MYRIP: variants seen among roughly 807,000 people sequenced by gnomAD.
MYRIP encodes rab effector MyRIP.
In MYRIP, 49 loss-of-function variants were observed where a neutral mutation model predicts 98.0. The ratio of observed to expected loss-of-function variants is 0.50; its 90% CI spans 0.40 to 0.63. The LOEUF is 0.63. Among genes scored for constraint, MYRIP ranks in the 30% least tolerant of loss-of-function variants. The pLI is 0.00. For synonymous variants in MYRIP, 404 were observed against 409.5 expected (o/e 0.99, Z 0.16); for missense variants, 1,004 against 1,058.2 (o/e 0.95, Z 0.71).
intron 2 of MYRIP, among the ~76,000 whole-genome samples, chr3:39,961,355 A>G (rs913852127): frequency 6.6e-6 from 1 of 152,110 alleles, no homozygotes; most frequent in Admixed American, 6.6e-5. Flanking sequence ...CTTACTTCAG[A>G]AAGGATTTGA....
At chr3:39,810,983 TACTC>T (rs1449405327) in intron 1 of MYRIP, among the ~76,000 whole-genome samples, 2 of 152,272 alleles carry the variant, frequency 1.3e-5, no homozygotes, top group African/African-American at 4.8e-5. Flanking sequence ...TCTTGACACT[TACTC>T]AGGGGAGGAA....
At chr3:40,055,917 C>T (rs9832553) in intron 3 of MYRIP, among the ~76,000 whole-genome samples, 44,326 of 151,830 alleles carry the variant, frequency 0.29, 6,513 homozygotes, top group South Asian at 0.36. Flanking sequence ...GAGAATTAAT[C>T]GAAAATGACT....
At chr3:40,252,055 C>A in intron 16 of MYRIP, 56 bp downstream of exon 16, 2 of 1,309,758 alleles carry the variant, frequency 1.5e-6, no homozygotes, top group Non-Finnish European at 2.2e-6. Flanking sequence ...GGTACCTCCA[C>A]TCTGCAGCCT....
chr3:39,902,575 T>C (rs1483644625), intron 2 of MYRIP, among the ~76,000 whole-genome samples: 2 of 152,224 alleles, frequency 1.3e-5, no homozygotes, highest in Non-Finnish European at 2.9e-5. Flanking sequence ...GATGGATACA[T>C]GTAGATTGAT....
intron 3 of MYRIP, among the ~76,000 whole-genome samples, chr3:40,138,451 G>C (rs971584672): frequency 6.6e-6 from 1 of 152,168 alleles, no homozygotes; most frequent in Non-Finnish European, 1.5e-5. Context: ...AAGGTTTGCT[G>C]TTATTTCCAA....
intron 1 of MYRIP, among the ~76,000 whole-genome samples, chr3:39,828,634 A>G (rs889793993): frequency 6.6e-6 from 1 of 152,268 alleles, no homozygotes; most frequent in African/African-American, 2.4e-5. Flanking sequence ...GCTCCCCTCC[A>G]ACTCTTCCTC....
intron 2 of MYRIP, among the ~76,000 whole-genome samples, chr3:39,924,360 G>C (rs1313163299): frequency 2.0e-5 from 3 of 152,066 alleles, no homozygotes; most frequent in Non-Finnish European, 2.9e-5. Flanking sequence ...CTAGATTTCA[G>C]AGCAAAGAAA....
At chr3:40,026,608 G>T (rs1013797876) in intron 2 of MYRIP, among the ~76,000 whole-genome samples, 3 of 152,046 alleles carry the variant, frequency 2.0e-5, no homozygotes, top group African/African-American at 7.2e-5. Flanking sequence ...CTCTGCCATG[G>T]CTCCAGCCAG....
intron 3 of MYRIP, among the ~76,000 whole-genome samples, chr3:40,044,820 G>A (rs1009255440): frequency 1.3e-5 from 2 of 152,170 alleles, no homozygotes; most frequent in South Asian, 4.1e-4. Flanking sequence ...AGAAATAAAA[G>A]CAAGATTGTG....
chr3:40,003,732 G>T (rs1946572615), intron 2 of MYRIP, among the ~76,000 whole-genome samples: 1 of 152,188 alleles, frequency 6.6e-6, no homozygotes, highest in African/African-American at 2.4e-5. Context: ...AACCAGTTCA[G>T]ATCCACATTC....
At chr3:40,032,802 T>C (rs550657211) in intron 2 of MYRIP, among the ~76,000 whole-genome samples, 1 of 152,056 alleles carries the variant, frequency 6.6e-6, no homozygotes, top group Non-Finnish European at 1.5e-5. Context: ...TTGATGAAAA[T>C]TGATGCAAAA....
At chr3:39,861,984 G>T (rs1684854237) in intron 1 of MYRIP, among the ~76,000 whole-genome samples, 1 of 152,234 alleles carries the variant, frequency 6.6e-6, no homozygotes, top group Non-Finnish European at 1.5e-5. Flanking sequence ...TTAATGAAAT[G>T]CAGAGAATCA....
Position 40,090,644 on chromosome 3 carries a change from T to A in MYRIP, c.332+46373T>A, listed in dbSNP as rs142302904. Among the ~76,000 whole-genome samples, 713 of 152,332 alleles carry A rather than the reference T, an allele frequency of 4.7e-3. 1 individual carries two copies. Among genetic ancestry groups the A allele is most frequent in the Non-Finnish European group, 6.6e-3 (450 of 68,022 alleles). ...ACAGCTTCATTCACTTTTAACTGAT[T>A]GTCTAACAAACCTCCTGGCTTATGC... On this transcript the variant is annotated intron_variant, in intron 3 of 16. Transcript: ENST00000302541.
At chr3:40,256,824 T>G (rs1239084685) in intron 16 of MYRIP, among the ~76,000 whole-genome samples, 1 of 152,080 alleles carries the variant, frequency 6.6e-6, no homozygotes, top group African/African-American at 2.4e-5. Flanking sequence ...CATCAAAATA[T>G]TGAAAACTAA....
Position 40,137,842 on chromosome 3 carries a change from A to G in MYRIP, c.333-13206A>G, listed in dbSNP as rs529151623. Among the ~76,000 whole-genome samples the G allele has an allele frequency of 6.6e-5, 10 of 152,220 alleles. No individual in the cohort carries two copies. The East Asian group carries it at 1.9e-3, about 29-fold the overall frequency. ...AAATCAATGAACCAAGGTTGCTTACATTTCTTCCTTCAGGGGAAGTTTCAA... is the reference window on the plus strand; with the variant it reads ...AAATCAATGAACCAAGGTTGCTTACGTTTCTTCCTTCAGGGGAAGTTTCAA... On this transcript the variant is annotated intron_variant, in intron 3 of 16. Coordinates refer to ENST00000302541, the MANE Select transcript of MYRIP (RefSeq NM_015460.4).
intron 2 of MYRIP, among the ~76,000 whole-genome samples, chr3:39,939,014 G>A (rs945423758): frequency 6.6e-6 from 1 of 152,062 alleles, no homozygotes; most frequent in African/African-American, 2.4e-5. Context: ...GACCCACACC[G>A]TCCAGCCCTG....
In MYRIP at chr3:40,213,859, G is replaced by T. The variant is rs527726464; in HGVS notation, c.1905+3766G>T. Among the ~76,000 whole-genome samples the T allele has an allele frequency of 7.2e-5, 11 of 152,194 alleles. 1 individual carries two copies. In the South Asian group the frequency reaches 2.3e-3, roughly 32 times the overall value. On this transcript the variant is annotated intron_variant, in intron 11 of 16. Transcript: ENST00000302541. The stretch of plus-strand genomic sequence containing the variant: ...GGGAGTGAGGCACTAACTAGTGACT[G>T]ATGGGAAGGGTGTAAATATCCCAGC...
At chr3:40,105,785 G>A (rs1376638617) in intron 3 of MYRIP, among the ~76,000 whole-genome samples, 1 of 152,116 alleles carries the variant, frequency 6.6e-6, no homozygotes, top group Non-Finnish European at 1.5e-5. Flanking sequence ...AGTGAGGCAG[G>A]AAGGGGCAAG....
rs185000369 is a variant in MYRIP at position 39,834,121 on chromosome 3, C to A, written c.-31+24205C>A. On this transcript the variant is annotated intron_variant, in intron 1 of 16. Coordinates refer to ENST00000302541, the MANE Select transcript of MYRIP (RefSeq NM_015460.4). ...GGCATGACTGCTCAGTACAAAACAA[C>A]CTTCCCAGCCTTTGGTAGTCCCTCT... 7.2e-5 allele frequency among the ~76,000 whole-genome samples: 11 copies of A among 152,320 alleles called. No homozygotes were observed. The East Asian group carries it at 2.1e-3, about 29-fold the overall frequency.
Sources: allele counts gnomAD v4.1 joint callset (sites outside exome capture counted in the v4.1 genomes callset), GRCh38; gene constraint gnomAD v4.1.1; transcripts MANE v1.5; gene names NCBI Gene and HGNC (gene_info 2026-07-23, HGNC 2026-07-21).